Variants in SBF2 observed in about 807,000 individuals in gnomAD.
The protein encoded by SBF2 is SET binding factor 2, also known as myotubularin-related protein 13.
SBF2 carries 112 observed loss-of-function variants against 225.2 expected under a neutral mutation model. The ratio of observed to expected loss-of-function variants is 0.50; its 90% confidence interval spans 0.43 to 0.58. SBF2 has a LOEUF of 0.58. Ranked by LOEUF, SBF2 falls within the 20% of genes least tolerant of loss-of-function variation. The pLI is 0.00. For missense variants in SBF2, 1,996 were observed against 2,206.2 expected (o/e 0.90, Z 1.91); for synonymous variants, 763 against 773.3 (o/e 0.99, Z 0.22).
chr11:9,795,696 C>G (rs898624921), intron 33 of SBF2, 135 bp downstream of exon 33: 13 of 1,095,272 alleles, frequency 1.2e-5, no homozygotes, highest in Admixed American at 1.0e-4. Context: ...CACTTATCCA[C>G]TCCTCTACAT....
intron 2 of SBF2, among the ~76,000 whole-genome samples, chr11:10,190,871 A>C (rs898014743): frequency 1.3e-5 from 2 of 152,182 alleles, no homozygotes; most frequent in Non-Finnish European, 2.9e-5. Context: ...TTTACACTAA[A>C]ATGCTAACCA....
At chr11:10,275,425 C>T (rs548015331) in intron 1 of SBF2, among the ~76,000 whole-genome samples, 2 of 152,112 alleles carry the variant, frequency 1.3e-5, no homozygotes, top group South Asian at 2.1e-4. Flanking sequence ...CACCCATCTC[C>T]GCATGACTTC....
At chr11:10,113,463 GA>G (rs1301505706) in intron 2 of SBF2, among the ~76,000 whole-genome samples, 84 of 152,044 alleles carry the variant, frequency 5.5e-4, no homozygotes, top group African/African-American at 2.0e-3. Flanking sequence ...CAAATAATGA[GA>G]GCAAATATAA....
chr11:9,844,898 A>G (rs1040685370), intron 24 of SBF2, among the ~76,000 whole-genome samples: 3 of 152,232 alleles, frequency 2.0e-5, no homozygotes, highest in Non-Finnish European at 4.4e-5. Flanking sequence ...TCCAGAACTT[A>G]AAGTATAATA....
rs182833520 is a variant in SBF2 at position 9,788,458 on chromosome 11, G to C, written c.4932+651C>G. Among the ~76,000 whole-genome samples the C allele has an allele frequency of 3.7e-3, 569 of 152,340 alleles. 3 individuals carry two copies. Among genetic ancestry groups the C allele is most frequent in the South Asian group, 4.8e-3 (23 of 4,828 alleles). On this transcript the variant is annotated intron_variant, in intron 35 of 39. Transcript: ENST00000256190. ...CTACCCACACTTCTGACCAGAGGAA[G>C]TAAAGCACCCACAGAAGCCACAGCC... is the stretch of plus-strand genomic sequence containing the variant.
chr11:10,138,537 T>C (rs1954493707), intron 2 of SBF2, among the ~76,000 whole-genome samples: 1 of 150,780 alleles, frequency 6.6e-6, no homozygotes, highest in African/African-American at 2.4e-5. Context: ...TTTTTTTTTT[T>C]TGAGACAGGA....
At chr11:9,863,140 A>G (rs1264059460) in intron 17 of SBF2, among the ~76,000 whole-genome samples, 1 of 152,248 alleles carries the variant, frequency 6.6e-6, no homozygotes, top group East Asian at 1.9e-4. Context: ...TTCATTTTCC[A>G]CAAAGCTTTC....
chr11:10,214,973 C>T (rs1046980848), intron 1 of SBF2, among the ~76,000 whole-genome samples: 1 of 152,166 alleles, frequency 6.6e-6, no homozygotes, highest in African/African-American at 2.4e-5. Flanking sequence ...GAAACAACTC[C>T]TAGCCCACAG....
intron 1 of SBF2, among the ~76,000 whole-genome samples, chr11:10,205,148 C>T (rs1222527657): frequency 6.6e-6 from 1 of 151,876 alleles, no homozygotes; most frequent in East Asian, 1.9e-4. Flanking sequence ...ACACGTCCTG[C>T]ACATGTATCC....
chr11:9,954,412 G>A (rs544287853), intron 16 of SBF2, among the ~76,000 whole-genome samples: 1 of 152,126 alleles, frequency 6.6e-6, no homozygotes, highest in Non-Finnish European at 1.5e-5. Flanking sequence ...GTACGTTGTT[G>A]CATCAAGAAT....
chr11:9,824,930 G>GA (rs1441241247), intron 28 of SBF2, among the ~76,000 whole-genome samples: 1 of 152,024 alleles, frequency 6.6e-6, no homozygotes, highest in Admixed American at 6.6e-5. Context: ...GGAACCTTAG[G>GA]AAAAAAATCA....
In SBF2 at chr11:9,965,515, C is replaced by T. The variant is rs569769707; in HGVS notation, c.1601-1633G>A. 1.1e-4 allele frequency among the ~76,000 whole-genome samples: 16 copies of T among 152,158 alleles called. No individual in the cohort carries two copies. In the South Asian group the frequency reaches 1.2e-3, roughly 12 times the overall value. ...GTTGCTCAGGCTAGTCTTGAACTCCCGACCTCAGGTGATACGCCGACCTCG... is the reference window on the plus strand; with the variant it reads ...GTTGCTCAGGCTAGTCTTGAACTCCTGACCTCAGGTGATACGCCGACCTCG... On this transcript the variant is annotated intron_variant, in intron 14 of 39. Coordinates refer to ENST00000256190, the MANE Select transcript of SBF2 (RefSeq NM_030962.4).
rs562727671 is a variant in SBF2, at chr11:9,938,108, A to G, written c.1860+23849T>C. Among the ~76,000 whole-genome samples, 789 of 151,936 alleles carry G rather than the reference A, an allele frequency of 5.2e-3. 4 individuals carry two copies. The highest frequency in any genetic ancestry group is 6.1e-3 in the South Asian group (29 of 4,792). ...AGATCGAGACCATCCTGGTTAACAC[A>G]GTGAAACCCCGTCTCCACTAAAAAT... is the stretch of plus-strand genomic sequence containing the variant. On this transcript the variant is annotated intron_variant, in intron 16 of 39. Transcript: ENST00000256190.
chr11:10,294,089 G>A lies in SBF2; in HGVS notation c.-20C>T. 7.4e-7 allele frequency: 1 copy of A among 1,351,984 alleles called. No homozygotes were observed. Among genetic ancestry groups the A allele is most frequent in the Non-Finnish European group, 9.5e-7 (1 of 1,052,070 alleles). 83.7% of individuals were successfully genotyped at this position (1,351,984 alleles called of 1,614,324 possible). A position where few individuals can be genotyped will look rare whatever the true frequency, so the allele number is the denominator to read the frequency against. The stretch of plus-strand genomic sequence containing the variant: ...GGCCATGGCCGCCGCCGCCGCGCTC[G>A]GGAAGCGGGTCCCCGTCGCCGCCCT... On this transcript the variant is annotated 5_prime_UTR_variant, in exon 1 of 40. It introduces an in-frame stop codon into an upstream open reading frame of the 5' UTR. Coordinates refer to ENST00000256190, the MANE Select transcript of SBF2 (RefSeq NM_030962.4).
chr11:10,134,157 G>T (rs187299988), intron 2 of SBF2, among the ~76,000 whole-genome samples: 3 of 152,148 alleles, frequency 2.0e-5, no homozygotes, highest in Non-Finnish European at 4.4e-5. Context: ...CAAGAGAAGA[G>T]AACATATATA....
chr11:9,901,038 T>C (rs931741395), intron 16 of SBF2, among the ~76,000 whole-genome samples: 4 of 152,194 alleles, frequency 2.6e-5, no homozygotes, highest in African/African-American at 7.2e-5. Context: ...GCCCAAAAGA[T>C]CATTTTAAAA....
intron 2 of SBF2, among the ~76,000 whole-genome samples, chr11:10,063,338 A>G (rs1419718577): frequency 3.9e-5 from 5 of 127,086 alleles, no homozygotes; most frequent in South Asian, 2.5e-4. Context: ...ATATATATAT[A>G]TATATATTTT....
intron 1 of SBF2, among the ~76,000 whole-genome samples, chr11:10,196,866 A>ATATATATATATATTTTTTT: frequency 6.0e-5 from 6 of 99,306 alleles, no homozygotes; most frequent in African/African-American, 1.6e-4. Flanking sequence ...ATATATATAT[A>ATATATATATATATTTTTTT]TTTTTTTTTT....
At chr11:10,235,252 A>T (rs1051322871) in intron 1 of SBF2, among the ~76,000 whole-genome samples, 1 of 152,250 alleles carries the variant, frequency 6.6e-6, no homozygotes, top group Non-Finnish European at 1.5e-5. Flanking sequence ...CAATTAATTG[A>T]GGCCAGGCAC....
Sources: gnomAD v4.1 joint callset for allele counts (sites outside exome capture counted in the v4.1 genomes callset) on GRCh38, gnomAD v4.1.1 for gene constraint, MANE v1.5 for transcripts, NCBI Gene and HGNC (gene_info 2026-07-23, HGNC 2026-07-21) for gene names.